GLCCI1: variants seen among roughly 807,000 people sequenced by gnomAD.
GLCCI1 encodes the protein glucocorticoid induced 1, also known as glucocorticoid-induced transcript 1 protein.
A neutral mutation model predicts 52.2 loss-of-function variants in GLCCI1; 24 were observed. That is an observed-to-expected ratio of 0.46 (90% CI 0.33 to 0.65). GLCCI1 has a LOEUF of 0.65. GLCCI1 is among the 30% of genes least tolerant of loss of function. The pLI, the probability that GLCCI1 is intolerant of heterozygous loss-of-function variation, is 0.02. For missense variants in GLCCI1, 704 were observed against 701.5 expected (o/e 1.00, Z -0.04); for synonymous variants, 310 against 276.5 (o/e 1.12, Z -1.20).
chr7:8,081,085 G>C (rs141503942), intron 6 of GLCCI1, among the ~76,000 whole-genome samples: 67 of 152,148 alleles, frequency 4.4e-4, no homozygotes, highest in African/African-American at 1.6e-3. Context: ...CATGCACCTA[G>C]GCCTAGGAAG....
chr7:8,017,897 T>C (rs1781410909), intron 2 of GLCCI1, among the ~76,000 whole-genome samples: 1 of 152,186 alleles, frequency 6.6e-6, no homozygotes, highest in Non-Finnish European at 1.5e-5. Context: ...TTCATCAGGA[T>C]AGACTTTTCA....
intron 3 of GLCCI1, among the ~76,000 whole-genome samples, chr7:8,049,207 A>T (rs1449604555): frequency 6.6e-6 from 1 of 152,150 alleles, no homozygotes; most frequent in African/African-American, 2.4e-5. Context: ...GTGTTTAATG[A>T]GTATTATTGA....
intron 6 of GLCCI1, among the ~76,000 whole-genome samples, chr7:8,080,991 T>C (rs1782982640): frequency 6.6e-6 from 1 of 152,080 alleles, no homozygotes; most frequent in South Asian, 2.1e-4. Context: ...CTAATCCTTT[T>C]ACATATATTT....
At position 8,055,643 on chromosome 7, in the gene GLCCI1, T is replaced by C. The variant is rs1782372150; in HGVS notation, c.813+94T>C. 1.3e-5 allele frequency: 10 copies of C among 786,126 alleles called. No homozygotes were observed. The East Asian group carries it at 2.5e-4, about 20-fold the overall frequency. 48.7% of individuals were successfully genotyped at this position (786,126 alleles called of 1,614,324 possible). ...CAGCATTTAAAAAAACCCATAAATA[T>C]TTAGCTCTACTAAATTACTAGTTTG... On this transcript the variant is annotated intron_variant, in intron 4 of 7. Transcript: ENST00000223145.
rs565755651 is a variant in GLCCI1 at position 7,969,261 on chromosome 7, C to A, written c.-90C>A. 99 of 1,195,992 alleles carry A rather than the reference C, an allele frequency of 8.3e-5. No individual in the cohort carries two copies. The highest frequency in any genetic ancestry group is 9.9e-5 in the Non-Finnish European group (94 of 950,754). The allele number at this position is 1,195,992 out of a possible 1,614,324, so 74.1% of individuals were successfully genotyped here. Reference sequence around the variant, plus strand: ...CGCCCCTCCCCCTTACACACTCGCACGCACTATCGCGCCGGCTCCCACACG... The same window carrying A: ...CGCCCCTCCCCCTTACACACTCGCAAGCACTATCGCGCCGGCTCCCACACG... On this transcript the variant is annotated 5_prime_UTR_variant, in exon 1 of 8. Coordinates refer to ENST00000223145, the MANE Select transcript of GLCCI1 (RefSeq NM_138426.4). The surrounding 1 kb of genome is among the most constrained non-coding windows in gnomAD (Gnocchi z 4.9).
rs1780308004 is a variant in GLCCI1, at chr7:7,969,977, T to A, written c.457+170T>A. ...CGCTGTGGGGCTTGGAGGAGCGAACTGAAAAGCGACTTTTATTTGACCCTC... is the reference window on the plus strand; with the variant it reads ...CGCTGTGGGGCTTGGAGGAGCGAACAGAAAAGCGACTTTTATTTGACCCTC... On this transcript the variant is annotated intron_variant, in intron 1 of 7. Coordinates refer to ENST00000223145, the MANE Select transcript of GLCCI1 (RefSeq NM_138426.4). The surrounding 1 kb of genome is among the most constrained non-coding windows in gnomAD (Gnocchi z 4.9). 1.1e-6 allele frequency: 1 copy of A among 918,094 alleles called. No individual in the cohort carries two copies. The highest frequency in any genetic ancestry group is 1.4e-6 in the Non-Finnish European group (1 of 734,006). The allele number at this position is 918,094 out of a possible 1,614,324, so 56.9% of individuals were successfully genotyped here. A position where few individuals can be genotyped will look rare whatever the true frequency, so the allele number is the denominator to read the frequency against.
At chr7:8,005,349 G>T (rs543345600) in intron 2 of GLCCI1, among the ~76,000 whole-genome samples, 1 of 152,198 alleles carries the variant, frequency 6.6e-6, no homozygotes, top group Admixed American at 6.5e-5. Flanking sequence ...TTTTGGAAGG[G>T]TGCACACACA....
chr7:8,036,293 C>T lies in GLCCI1; in HGVS notation c.696+13724C>T, dbSNP rs143720222. Among the ~76,000 whole-genome samples the T allele has an allele frequency of 4.3e-3, 662 of 152,290 alleles. 1 individual carries two copies. Among genetic ancestry groups the T allele is most frequent in the Middle Eastern group, 0.017 (5 of 294 alleles). On this transcript the variant is annotated intron_variant, in intron 3 of 7. Transcript: ENST00000223145. ...TGAGAAGCCATCACACAAAGCATGT[C>T]TGAAACCAAGTAACTCATAGAAACT...
At chr7:8,073,504 C>G (rs1782809501) in intron 6 of GLCCI1, among the ~76,000 whole-genome samples, 1 of 151,802 alleles carries the variant, frequency 6.6e-6, no homozygotes, top group Non-Finnish European at 1.5e-5. Context: ...TATTCATCCT[C>G]TTGTTTTTTT....
chr7:8,088,578 T>TTGAC lies in GLCCI1; in HGVS notation c.*2042_*2045dup, dbSNP rs1783169650. The TTGAC allele has an allele frequency of 6.6e-6, 1 of 152,634 alleles. No homozygotes were observed. The highest frequency in any genetic ancestry group is 2.4e-5 in the African/African-American group (1 of 41,450). The allele number at this position is 152,634 out of a possible 1,614,324, so 9.5% of individuals were successfully genotyped here. ...TCCGTAAGATAAATATGAGCTCCAT[T>TTGAC]TGACTTCTGATGTCTGGTTTAGCAT... On this transcript the variant is annotated 3_prime_UTR_variant, in exon 8 of 8. Coordinates refer to ENST00000223145, the MANE Select transcript of GLCCI1 (RefSeq NM_138426.4).
At chr7:8,081,768 G>A (rs922712100) in intron 6 of GLCCI1, among the ~76,000 whole-genome samples, 3 of 152,070 alleles carry the variant, frequency 2.0e-5, no homozygotes, top group African/African-American at 7.2e-5. Context: ...GTATTTTAAT[G>A]GTAAATATGG....
intron 5 of GLCCI1, among the ~76,000 whole-genome samples, chr7:8,069,756 T>C (rs146982206): frequency 1.9e-4 from 29 of 152,344 alleles, no homozygotes; most frequent in African/African-American, 6.5e-4. Flanking sequence ...ATAGAAAATA[T>C]TGATACATTT....
chr7:8,017,721 A>G (rs1781407575), intron 2 of GLCCI1, among the ~76,000 whole-genome samples: 1 of 152,186 alleles, frequency 6.6e-6, no homozygotes, highest in African/African-American at 2.4e-5. Context: ...CATAAAATAA[A>G]AATGCAGTCT....
At chr7:7,989,997 A>G (rs997927708) in intron 1 of GLCCI1, among the ~76,000 whole-genome samples, 2 of 152,112 alleles carry the variant, frequency 1.3e-5, no homozygotes, top group Admixed American at 6.5e-5. Flanking sequence ...TGTTAATACT[A>G]AACACATAGA....
At chr7:8,069,521 T>C (rs1209078088) in intron 5 of GLCCI1, among the ~76,000 whole-genome samples, 1 of 152,118 alleles carries the variant, frequency 6.6e-6, no homozygotes, top group Non-Finnish European at 1.5e-5. Flanking sequence ...GTGGGGCAGC[T>C]GTGCTGCTGG....
chr7:7,977,289 G>A (rs973836522), intron 1 of GLCCI1, among the ~76,000 whole-genome samples: 6 of 152,146 alleles, frequency 3.9e-5, no homozygotes, highest in African/African-American at 1.4e-4. Flanking sequence ...AGATGATATT[G>A]AGAATAAGAC....
chr7:8,046,634 C>T lies in GLCCI1; in HGVS notation c.697-8799C>T, dbSNP rs182350651. ...GAAAATTTTTAAATCTACCTATAAC[C>T]CAGAAGCCCCTGTCTCGAGTTGTCC... On this transcript the variant is annotated intron_variant, in intron 3 of 7. Coordinates refer to ENST00000223145, the MANE Select transcript of GLCCI1 (RefSeq NM_138426.4). 6.0e-3 allele frequency among the ~76,000 whole-genome samples: 920 copies of T among 152,170 alleles called. 40 individuals are homozygous for T. The highest frequency in any genetic ancestry group is 0.055 in the Admixed American group (839 of 15,282).
At chr7:8,059,199 A>G (rs1162905215) in intron 4 of GLCCI1, among the ~76,000 whole-genome samples, 1 of 152,226 alleles carries the variant, frequency 6.6e-6, no homozygotes, top group Non-Finnish European at 1.5e-5. Context: ...TGATAGTAAT[A>G]TATGAAAAAG....
intron 2 of GLCCI1, among the ~76,000 whole-genome samples, chr7:8,006,862 C>G (rs1042592227): frequency 8.5e-5 from 13 of 152,202 alleles, no homozygotes; most frequent in Non-Finnish European, 1.9e-4. Flanking sequence ...GTACTTTAAG[C>G]TGGCTTTACA....
Sources: gnomAD v4.1 joint callset for allele counts (sites outside exome capture counted in the v4.1 genomes callset) on GRCh38, gnomAD v4.1.1 for gene constraint, Gnocchi (gnomAD v3.1) non-coding constraint, MANE v1.5 for transcripts, NCBI Gene and HGNC (gene_info 2026-07-23, HGNC 2026-07-21) for gene names.